The following DPM1 variants were observed in gnomAD, a reference collection of about 807,000 sequenced individuals.
DPM1 encodes dolichyl-phosphate mannosyltransferase subunit 1, catalytic, also known as dolichol-phosphate mannosyltransferase subunit 1.
Under a neutral mutation model 39.0 loss-of-function variants are expected in DPM1, and 27 were observed. That is an observed-to-expected ratio of 0.69 (90% CI 0.51 to 0.95). The LOEUF is 0.95. Ranked by LOEUF, DPM1 falls within the 40% of genes least tolerant of loss-of-function variation. The pLI, the probability that DPM1 is intolerant of heterozygous loss-of-function variation, is 0.00. For synonymous variants in DPM1, 124 were observed against 109.0 expected, an observed-to-expected ratio of 1.14 and a Z score of -0.86; for missense variants, 307 against 315.6, an observed-to-expected ratio of 0.97 and a Z score of 0.21.
intron 7 of DPM1, among the ~76,000 whole-genome samples, chr20:50,939,182 C>T (rs1411895470): frequency 6.6e-6 from 1 of 152,104 alleles, no homozygotes; most frequent in Non-Finnish European, 1.5e-5. Context: ...CATTCCTCTC[C>T]CTGCTGTGTT....
At chr20:50,937,818 GTTATTA>G (rs145740815) in intron 7 of DPM1, among the ~76,000 whole-genome samples, 5,007 of 151,692 alleles carry the variant, frequency 0.033, 161 homozygotes, top group African/African-American at 0.077. Context: ...AACTTTTAAA[GTTATTA>G]TTATTATTAT....
intron 8 of DPM1, 39 bp from the exon 9 acceptor site, chr20:50,935,275 A>G: frequency 7.7e-7 from 1 of 1,292,260 alleles, no homozygotes; most frequent in Non-Finnish European, 1.1e-6. Context: ...GTCTTTAAAA[A>G]CAATTAGGCA....
intron 2 of DPM1, among the ~76,000 whole-genome samples, chr20:50,953,185 A>G (rs1009881475): frequency 1.3e-5 from 2 of 152,244 alleles, no homozygotes; most frequent in Non-Finnish European, 2.9e-5. Flanking sequence ...AGTCCTTCAC[A>G]ATTTCAGATC....
Position 50,935,149 on chromosome 20 carries a change from G to A in DPM1, c.766C>T (p.Leu256Phe), listed in dbSNP as rs781202089. ...TCTTTCTTTTATGTAGTAGCAAAAA[G>A]AGTCAATAATCCTTTCAAGAAAGAT... ...IVSFLKGLLT[L>F]FATT The change falls in exon 9 of 9, where the codon CTT becomes TTT. Residue 256 changes from leucine to phenylalanine, a missense_variant. Around this residue, in one of 3 missense-constraint regions of DPM1, gnomAD observed 70 missense variants for 69.4 expected, o/e 1.01. Transcript: ENST00000371588. 1.3e-6 allele frequency: 2 copies of A among 1,586,330 alleles called. No homozygotes were observed. Among genetic ancestry groups the A allele is most frequent in the South Asian group, 2.2e-5 (2 of 90,264 alleles).
intron 1 of DPM1, 51 bp from the exon 2 acceptor site, chr20:50,955,336 AAAAGTAATTTAAAAATTACTAATTCC>A: frequency 7.5e-7 from 1 of 1,328,128 alleles, no homozygotes; most frequent in South Asian, 1.2e-5. Context: ...TCTCAAATTT[AAAAGTAATTTAAAAATTACTAATTCC>A]TTAAAAGTAT....
intron 6 of DPM1, among the ~76,000 whole-genome samples, chr20:50,941,360 C>CAT (rs199796393): frequency 2.6e-5 from 3 of 116,028 alleles, no homozygotes; most frequent in African/African-American, 1.3e-4. Flanking sequence ...TATTCATATA[C>CAT]ATATATATTC....
intron 1 of DPM1, among the ~76,000 whole-genome samples, chr20:50,957,078 T>C (rs1986864242): frequency 6.6e-6 from 1 of 151,724 alleles, no homozygotes; most frequent in African/African-American, 2.4e-5. Flanking sequence ...TGTATGATAG[T>C]TACTTTCTTT....
chr20:50,942,643 T>C (rs976927728), intron 5 of DPM1, among the ~76,000 whole-genome samples: 2 of 152,342 alleles, frequency 1.3e-5, no homozygotes, highest in South Asian at 4.1e-4. Flanking sequence ...TACTCCAGCC[T>C]GGGTGACAAT....
chr20:50,936,967 G>C (rs1033271743), intron 7 of DPM1, among the ~76,000 whole-genome samples: 1 of 152,116 alleles, frequency 6.6e-6, no homozygotes, highest in Non-Finnish European at 1.5e-5. Context: ...CAGCGGAGTT[G>C]GGCAGTCCAG....
At chr20:50,955,483 T>C (rs1467858801) in intron 1 of DPM1, among the ~76,000 whole-genome samples, 198 bp from the exon 2 acceptor site, 1 of 152,232 alleles carries the variant, frequency 6.6e-6, no homozygotes, top group East Asian at 1.9e-4. Flanking sequence ...TGCTGAAACA[T>C]GCTAATGTCC....
chr20:50,958,326 C>T (rs763488453), intron 1 of DPM1, 37 bp downstream of exon 1: 1 of 1,609,094 alleles, frequency 6.2e-7, no homozygotes, highest in African/African-American at 1.3e-5. Context: ...GAAGCCAGCT[C>T]ATCTCATTCT....
chr20:50,957,848 A>C (rs1986912438), intron 1 of DPM1, among the ~76,000 whole-genome samples: 1 of 152,128 alleles, frequency 6.6e-6, no homozygotes, highest in African/African-American at 2.4e-5. Context: ...CAATCACACC[A>C]AACATCCACC....
intron 3 of DPM1, among the ~76,000 whole-genome samples, chr20:50,947,293 C>G (rs1027192185): frequency 3.3e-5 from 5 of 152,248 alleles, no homozygotes; most frequent in Admixed American, 2.0e-4. Flanking sequence ...ATGGCTCAAA[C>G]CCAGCAGGCA....
rs539764253 is a variant in DPM1, at chr20:50,953,760, A to C, written c.261+1426T>G. Among the ~76,000 whole-genome samples, 225 of 152,320 alleles carry C rather than the reference A, an allele frequency of 1.5e-3. 1 individual carries two copies. The highest frequency in any genetic ancestry group is 6.8e-3 in the Middle Eastern group (2 of 294). ...AAGGCTGAGGTTTTATGACAAAAGTATTCAAAATGTTGTCTGGTTGATGGT... is the reference window on the plus strand; with the variant it reads ...AAGGCTGAGGTTTTATGACAAAAGTCTTCAAAATGTTGTCTGGTTGATGGT... On this transcript the variant is annotated intron_variant, in intron 2 of 8. Transcript: ENST00000371588.
rs1286600379 is a variant in DPM1, at chr20:50,935,179, T to A, written c.736A>T (p.Ile246Leu). The change falls in exon 9 of 9, where the codon ATA becomes TTA. Residue 246 changes from isoleucine to leucine, a missense_variant. Transcript: ENST00000371588. ...AATAATCCTTTCAAGAAAGATACTATTTCATTTCCTCCCAACTTGGATTCA... is the reference window on the plus strand; with the variant it reads ...AATAATCCTTTCAAGAAAGATACTAATTCATTTCCTCCCAACTTGGATTCA... ...YGESKLGGNEIVSFLKGLLTL... is the reference protein window; with the variant it reads ...YGESKLGGNELVSFLKGLLTL... The A allele has an allele frequency of 6.2e-7, 1 of 1,610,192 alleles. No homozygotes were observed. The highest frequency in any genetic ancestry group is 1.1e-5 in the South Asian group (1 of 90,922).
intron 7 of DPM1, among the ~76,000 whole-genome samples, chr20:50,938,162 C>A (rs1985375317): frequency 6.6e-6 from 1 of 152,040 alleles, no homozygotes; most frequent in Admixed American, 6.6e-5. Context: ...CCATATAATC[C>A]CATAAATGCG....
At chr20:50,938,910 C>T (rs946747540) in intron 7 of DPM1, among the ~76,000 whole-genome samples, 8 of 151,754 alleles carry the variant, frequency 5.3e-5, no homozygotes, top group Non-Finnish European at 1.0e-4. Context: ...ACCTGGGAGG[C>T]GGAGGTTGTG....
intron 8 of DPM1, 36 bp downstream of exon 8, chr20:50,936,112 A>C (rs748506415): frequency 6.8e-7 from 1 of 1,460,170 alleles, no homozygotes; most frequent in South Asian, 1.1e-5. Flanking sequence ...CTCCTTTACC[A>C]GGAACATGAC....
rs371895653 is a variant in DPM1, at chr20:50,945,862, A to G, written c.357T>C (p.Ala119=). 43 of 1,613,710 alleles carry G rather than the reference A, an allele frequency of 2.7e-5. No individual in the cohort carries two copies. In the African/African-American group the frequency reaches 5.3e-4, roughly 20 times the overall value. ...TACCACTTACATGGTGTGAGAGATC[A>G]GCATCCATAATAATGATGTAGTTTC... is the stretch of plus-strand genomic sequence containing the variant. The part of the protein sequence containing the change: ...ATGNYIIIMD[A]DLSHHPKFIP... Residue 119 remains alanine (A), a synonymous_variant, in exon 4 of 9, where the codon GCT becomes GCC. Coordinates refer to ENST00000371588, the MANE Select transcript of DPM1 (RefSeq NM_003859.3).
Sources: gnomAD v4.1 joint callset for allele counts (sites outside exome capture counted in the v4.1 genomes callset) on GRCh38, gnomAD v4.1.1 for gene constraint, gnomAD v4.1.1 regional missense constraint, MANE v1.5 for transcripts, NCBI Gene and HGNC (gene_info 2026-07-23, HGNC 2026-07-21) for gene names.